CD320: variants seen among roughly 807,000 people sequenced by gnomAD.
CD320 encodes the protein CD320 antigen.
CD320 carries 16 observed loss-of-function variants against 22.1 expected under a neutral mutation model. The observed-to-expected ratio is 0.73, with a 90% CI of 0.49 to 1.10. The LOEUF (loss-of-function observed/expected upper bound fraction) is 1.10, where lower values mean the gene tolerates loss of function less well. Ranked by LOEUF, CD320 falls within the 50% of genes least tolerant of loss-of-function variation. The pLI is 0.00. For missense variants in CD320, 388 were observed against 376.9 expected, an observed-to-expected ratio of 1.03 and a Z score of -0.24; for synonymous variants, 188 against 167.8, an observed-to-expected ratio of 1.12 and a Z score of -0.93.
chr19:8,302,793 C>T lies in CD320; in HGVS notation c.690G>A (p.Gly230=), dbSNP rs1970028163. The T allele has an allele frequency of 6.2e-7, 1 of 1,614,186 alleles. No homozygotes were observed. Among genetic ancestry groups the T allele is most frequent in the Non-Finnish European group, 8.5e-7 (1 of 1,180,030 alleles). ...GDQSGSPTAY[G]VIAAAAVLSA... ...CCCTCTTACCAGCAGCTGCAATAAC[C>T]CCATAGGCAGTTGGGCTTCCAGACT... The change falls in exon 4 of 5, where the codon GGG becomes GGA. Residue 230 remains glycine, a synonymous_variant. Transcript: ENST00000301458.
At chr19:8,307,715 G>T (rs1970113502) in intron 1 of CD320, among the ~76,000 whole-genome samples, 1 of 152,302 alleles carries the variant, frequency 6.6e-6, no homozygotes, top group Middle Eastern at 3.4e-3. Flanking sequence ...GGGCAGGGAC[G>T]GTTGCGGAAC....
chr19:8,304,468 G>A (rs983156053), intron 2 of CD320, among the ~76,000 whole-genome samples: 19 of 152,052 alleles, frequency 1.2e-4, no homozygotes, highest in African/African-American at 4.6e-4. Context: ...TTAGCCTCCT[G>A]ACTAGCTGGG....
chr19:8,304,981 C>A, intron 2 of CD320, 50 bp downstream of exon 2: 2 of 1,594,904 alleles, frequency 1.3e-6, no homozygotes, highest in Non-Finnish European at 1.7e-6. Flanking sequence ...TGACAAACCA[C>A]CCTCAGGCCC....
rs919769334 is a variant in CD320 at position 8,308,158 on chromosome 19, G to A, written c.133C>T (p.Gln45Ter). Reference protein sequence around the residue: ...ASPLSTPTSAQAAGPSSGSCP... With the variant: ...ASPLSTPTSA The stretch of plus-strand genomic sequence containing the variant: ...GCGGGGCGTCACTCACCTGCGGCCT[G>A]GGCAGAGGTCGGGGTGGAAAGCGGG... The change falls in exon 1 of 5, where the codon CAG becomes TAG. Residue 45 changes from glutamine to a stop codon, truncating the protein, a stop_gained. Coordinates refer to ENST00000301458, the MANE Select transcript of CD320 (RefSeq NM_016579.4). LOFTEE classifies it high-confidence loss of function. The A allele has an allele frequency of 2.6e-6, 4 of 1,543,548 alleles. No individual in the cohort carries two copies. Among genetic ancestry groups the A allele is most frequent in the African/African-American group, 2.8e-5 (2 of 71,218 alleles).
At chr19:8,306,850 C>A (rs1259913504) in intron 1 of CD320, among the ~76,000 whole-genome samples, 1 of 152,200 alleles carries the variant, frequency 6.6e-6, no homozygotes, top group Non-Finnish European at 1.5e-5. Flanking sequence ...GAGTGTGTAT[C>A]CCTCTGCAAA....
chr19:8,302,732 C>T (rs958385780), intron 4 of CD320, 45 bp downstream of exon 4: 1 of 1,609,860 alleles, frequency 6.2e-7, no homozygotes, highest in Non-Finnish European at 8.5e-7. Flanking sequence ...CCCCTGAATC[C>T]CCGGAGCTCT....
At chr19:8,303,058 T>C in intron 3 of CD320, 78 bp from the exon 4 acceptor site, 2 of 1,253,898 alleles carry the variant, frequency 1.6e-6, no homozygotes, top group Non-Finnish European at 2.3e-6. Flanking sequence ...AGGGGAGCCC[T>C]TGGGGTTTAT....
At position 8,308,355 on chromosome 19, in the gene CD320, A is replaced by C. The variant is rs996398348; in HGVS notation, c.-65T>G. On this transcript the variant is annotated 5_prime_UTR_variant, in exon 1 of 5. Transcript: ENST00000301458. ...CGCTCTCTTATCCCTGCGCACGCGC[A>C]CGCGCGGGGTTGGGGCGGGGCCCAA... is the stretch of plus-strand genomic sequence containing the variant. 2.4e-5 allele frequency: 37 copies of C among 1,545,112 alleles called. No individual in the cohort carries two copies. The highest frequency in any genetic ancestry group is 3.2e-5 in the Non-Finnish European group (37 of 1,151,388).
At chr19:8,306,081 C>G (rs1970085068) in intron 1 of CD320, among the ~76,000 whole-genome samples, 1 of 152,158 alleles carries the variant, frequency 6.6e-6, no homozygotes, top group African/African-American at 2.4e-5. Flanking sequence ...GCCCCAGGCC[C>G]CAGGCCCCAA....
In CD320 at chr19:8,304,020, C is replaced by T. The variant is rs760524953; in HGVS notation, c.337G>A (p.Val113Ile). The T allele has an allele frequency of 2.1e-5, 33 of 1,565,888 alleles. No individual in the cohort carries two copies. The highest frequency in any genetic ancestry group is 1.7e-4 in the Middle Eastern group (1 of 6,042). ...PPGLPCPCTG[V>I]SDCSGGTDKK... ...TCAGTTCCCCCAGAGCAGTCACTGACGCCGGTGCAGGGGCAGGGGAGGCCA... is the reference window on the plus strand; with the variant it reads ...TCAGTTCCCCCAGAGCAGTCACTGATGCCGGTGCAGGGGCAGGGGAGGCCA... The change falls in exon 3 of 5, where the codon GTC becomes ATC. Residue 113 changes from valine (V) to isoleucine (I), a missense_variant. Val to Ile is a conservative substitution (Grantham distance 29). Coordinates refer to ENST00000301458, the MANE Select transcript of CD320 (RefSeq NM_016579.4).
At chr19:8,303,779 C>G (rs1970044718) in intron 3 of CD320, 76 bp downstream of exon 3, 2 of 1,012,786 alleles carry the variant, frequency 2.0e-6, no homozygotes, top group East Asian at 5.2e-5. Flanking sequence ...TCCACGCCCC[C>G]AGCCTGGCCA....
Position 8,302,604 on chromosome 19 carries a change from C to T in CD320, c.708G>A (p.Ala236=), listed in dbSNP as rs768870573. The T allele has an allele frequency of 1.2e-5, 19 of 1,613,254 alleles. No individual in the cohort carries two copies. The highest frequency in any genetic ancestry group is 4.5e-5 in the East Asian group (2 of 44,876). ...PTAYGVIAAA[A]VLSASLVTAT... ...CGGTGACCAGGCTTGCACTGAGCAC[C>T]GCTGTGGGGAACAGATGGACAGAGG... The change falls in exon 5 of 5, where the codon GCG becomes GCA. Residue 236 remains alanine (A), a splice_region_variant and synonymous_variant. Transcript: ENST00000301458.
chr19:8,305,286 G>T, intron 1 of CD320, 130 bp from the exon 2 acceptor site: 2 of 1,143,526 alleles, frequency 1.7e-6, no homozygotes, highest in Non-Finnish European at 2.5e-6. Flanking sequence ...ACTGGCGGCT[G>T]CTTGTTACTG....
At position 8,305,055 on chromosome 19, in the gene CD320, C is replaced by G. The variant is rs944102596; in HGVS notation, c.244G>C (p.Asp82His). Residue 82 changes from aspartate to histidine, a missense_variant, in exon 2 of 5, where the codon GAT (aspartate) becomes CAT (histidine). Physicochemically the swap from Asp to His is moderately conservative, Grantham distance 81. Transcript: ENST00000301458. ...WRCDRDLDCS[D>H]GSDEEECRIE... ...CTGCACTCCTCCTCATCGCTGCCAT[C>G]GCTGCAGTCCAAGTCCCTGTCGCAG... The G allele has an allele frequency of 1.9e-6, 3 of 1,610,572 alleles. No individual in the cohort carries two copies. In the African/African-American group the frequency reaches 4.0e-5, roughly 21 times the overall value.
At chr19:8,304,957 G>C in intron 2 of CD320, 74 bp downstream of exon 2, 3 of 1,554,570 alleles carry the variant, frequency 1.9e-6, no homozygotes, top group Non-Finnish European at 2.6e-6. Context: ...CTCCACCTCC[G>C]CGTGCCTGGC....
intron 3 of CD320, 131 bp from the exon 4 acceptor site, chr19:8,303,111 TGTC>T: frequency 4.6e-6 from 3 of 658,286 alleles, no homozygotes; most frequent in South Asian, 1.8e-5. Context: ...CCCGTAATTA[TGTC>T]TTTTTTTTTT....
chr19:8,302,618 GATGGACAGAGGA>G lies in CD320; in HGVS notation c.707-25_707-14del. The G allele has an allele frequency of 1.9e-6, 3 of 1,612,728 alleles. No individual in the cohort carries two copies. The highest frequency in any genetic ancestry group is 2.5e-6 in the Non-Finnish European group (3 of 1,179,166). On this transcript the variant is annotated splice_polypyrimidine_tract_variant and intron_variant, in intron 4 of 4. Transcript: ENST00000301458. ...GCACTGAGCACCGCTGTGGGGAACA[GATGGACAGAGGA>G]GTAAGGAGGGGGAAGGCAAGAGCCC...
intron 1 of CD320, 86 bp from the exon 2 acceptor site, chr19:8,305,242 G>A: frequency 3.3e-6 from 5 of 1,497,414 alleles, no homozygotes; most frequent in Non-Finnish European, 4.5e-6. Flanking sequence ...GTGATCCGCA[G>A]GAGACAGGCG....
At chr19:8,304,693 T>TC (rs979222234) in intron 2 of CD320, 15 of 254,210 alleles carry the variant, frequency 5.9e-5, no homozygotes, top group Non-Finnish European at 1.2e-4. Context: ...TTTTTCTTTT[T>TC]TTTTTCTTTT....
Sources: gnomAD v4.1 joint callset for allele counts (sites outside exome capture counted in the v4.1 genomes callset) on GRCh38, gnomAD v4.1.1 for gene constraint, MANE v1.5 for transcripts, NCBI Gene and HGNC (gene_info 2026-07-23, HGNC 2026-07-21) for gene names.